CDH4: variants seen among roughly 807,000 people sequenced by gnomAD.
CDH4 encodes cadherin 4.
Under a neutral mutation model 86.0 loss-of-function variants are expected in CDH4, and 33 were observed. That is an observed-to-expected ratio of 0.38 (90% CI 0.29 to 0.51). CDH4 has a LOEUF of 0.51. Ranked by LOEUF, CDH4 falls within the 20% of genes least tolerant of loss-of-function variation. CDH4 has a pLI of 0.86. For missense variants in CDH4, 1,114 were observed against 1,307.4 expected, an observed-to-expected ratio of 0.85 and a Z score of 2.28; for synonymous variants, 555 against 549.4, an observed-to-expected ratio of 1.01 and a Z score of -0.14.
At chr20:61,934,017 C>G in intron 14 of CDH4, 39 bp from the exon 15 acceptor site, 1 of 1,605,466 alleles carries the variant, frequency 6.2e-7, no homozygotes, top group Non-Finnish European at 8.5e-7. Flanking sequence ...CTGGCGGATT[C>G]TTCTGATGCC....
intron 2 of CDH4, among the ~76,000 whole-genome samples, chr20:61,734,317 G>A (rs551348798): frequency 1.2e-4 from 19 of 152,344 alleles, no homozygotes; most frequent in Non-Finnish European, 2.4e-4. Context: ...TGTAATCCTC[G>A]GAGTTCAGAA....
At chr20:61,780,299 C>T (rs1430373860) in intron 4 of CDH4, among the ~76,000 whole-genome samples, 1 of 152,160 alleles carries the variant, frequency 6.6e-6, no homozygotes, top group African/African-American at 2.4e-5. Context: ...CCCAACACTC[C>T]CCTCAGCCCG....
At chr20:61,481,043 G>A (rs1056043278) in intron 2 of CDH4, among the ~76,000 whole-genome samples, 3 of 152,150 alleles carry the variant, frequency 2.0e-5, no homozygotes, top group African/African-American at 7.2e-5. Context: ...AAGTGTACCC[G>A]GTTAAGAACT....
At chr20:61,266,133 C>T (rs1014278085) in intron 2 of CDH4, among the ~76,000 whole-genome samples, 1 of 152,170 alleles carries the variant, frequency 6.6e-6, no homozygotes, top group African/African-American at 2.4e-5. Context: ...GCCGCCCGCA[C>T]CTTGCTAACA....
rs2055147857 is a variant in CDH4 at position 61,934,068 on chromosome 20, A to G, written c.2392A>G (p.Ser798Gly). Residue 798 changes from serine to glycine, a missense_variant, in exon 15 of 16, where the codon AGC becomes GGC. Coordinates refer to ENST00000614565, the MANE Select transcript of CDH4 (RefSeq NM_001794.5). ...GGEEDQDYDL[S>G]QLQQPEAMGH... ...CTCCCTCCCCCAGGACTACGACCTCAGCCAGCTGCAGCAGCCGGAAGCCAT... is the reference window on the plus strand; with the variant it reads ...CTCCCTCCCCCAGGACTACGACCTCGGCCAGCTGCAGCAGCCGGAAGCCAT... 1.9e-6 allele frequency: 3 copies of G among 1,610,844 alleles called. No homozygotes were observed. The highest frequency in any genetic ancestry group is 1.3e-5 in the African/African-American group (1 of 74,862).
rs1400266687 is a variant in CDH4 at position 61,399,692 on chromosome 20, C to CTG, written c.169+144755_169+144756insTG. 2.0e-5 allele frequency among the ~76,000 whole-genome samples: 3 copies of CTG among 152,336 alleles called. No homozygotes were observed. The East Asian group carries it at 5.8e-4, about 29-fold the overall frequency. On this transcript the variant is annotated intron_variant, in intron 2 of 15. Coordinates refer to ENST00000614565, the MANE Select transcript of CDH4 (RefSeq NM_001794.5). ...CACTCACGTCCACCTGCCCATCCAT[C>CTG]ACCCACGAAGCACTTGGCCTCTCCA... is the stretch of plus-strand genomic sequence containing the variant.
chr20:61,383,755 A>G lies in CDH4; in HGVS notation c.169+128818A>G, dbSNP rs1056495198. Among the ~76,000 whole-genome samples, 11 of 71,578 alleles carry G rather than the reference A, an allele frequency of 1.5e-4. 1 individual carries two copies. The highest frequency in any genetic ancestry group is 2.3e-4 in the Non-Finnish European group (9 of 38,514). The allele number at this position is 71,578 out of a possible 152,430, so 47.0% of individuals were successfully genotyped here. A position where few individuals can be genotyped will look rare whatever the true frequency, so the allele number is the denominator to read the frequency against. On this transcript the variant is annotated intron_variant, in intron 2 of 15. Transcript: ENST00000614565. ...ATATGATATATATGAAGATATATGCATATATATGAAGATATATATGCATAT... is the reference window on the plus strand; with the variant it reads ...ATATGATATATATGAAGATATATGCGTATATATGAAGATATATATGCATAT...
chr20:61,457,079 A>G (rs968722219), intron 2 of CDH4, among the ~76,000 whole-genome samples: 1 of 152,226 alleles, frequency 6.6e-6, no homozygotes, highest in Non-Finnish European at 1.5e-5. Context: ...CTGTGTTTAC[A>G]GCATCCACCT....
intron 2 of CDH4, among the ~76,000 whole-genome samples, chr20:61,325,937 G>C (rs760985555): frequency 6.6e-6 from 1 of 152,140 alleles, no homozygotes; most frequent in Non-Finnish European, 1.5e-5. Flanking sequence ...GGTCAGTGCC[G>C]TGCCATTCCC....
chr20:61,741,522 C>T lies in CDH4; in HGVS notation c.170-2041C>T, dbSNP rs548331703. The stretch of plus-strand genomic sequence containing the variant: ...CTTTTTTTTTTTTGAGACCGAGTCT[C>T]GCTCTGTTGCGCAGGCTGGAGTGCC... On this transcript the variant is annotated intron_variant, in intron 2 of 15. Coordinates refer to ENST00000614565, the MANE Select transcript of CDH4 (RefSeq NM_001794.5). 1.7e-4 allele frequency among the ~76,000 whole-genome samples: 25 copies of T among 150,770 alleles called. No homozygotes were observed. The East Asian group carries it at 4.3e-3, about 26-fold the overall frequency.
intron 2 of CDH4, among the ~76,000 whole-genome samples, chr20:61,273,690 G>C (rs1293817698): frequency 2.5e-4 from 37 of 149,446 alleles, no homozygotes; most frequent in Admixed American, 3.3e-4. Context: ...CAGTTTGGGG[G>C]AGTACCATGT....
intron 15 of CDH4, among the ~76,000 whole-genome samples, chr20:61,935,509 G>A (rs1296194107): frequency 6.6e-6 from 1 of 152,182 alleles, no homozygotes; most frequent in African/African-American, 2.4e-5. Context: ...TGTCATCCCA[G>A]CACTTTGGGA....
At chr20:61,830,326 C>G (rs1384268606) in intron 4 of CDH4, among the ~76,000 whole-genome samples, 1 of 152,190 alleles carries the variant, frequency 6.6e-6, no homozygotes, top group African/African-American at 2.4e-5. Flanking sequence ...CATCCACATC[C>G]TCTGCCTCAG....
chr20:61,880,134 T>C (rs1816288167), intron 7 of CDH4, among the ~76,000 whole-genome samples: 1 of 152,202 alleles, frequency 6.6e-6, no homozygotes, highest in Non-Finnish European at 1.5e-5. Context: ...TGTATTCACA[T>C]GATTCAAATT....
At chr20:61,735,150 A>C (rs2088246424) in intron 2 of CDH4, among the ~76,000 whole-genome samples, 1 of 152,040 alleles carries the variant, frequency 6.6e-6, no homozygotes, top group Non-Finnish European at 1.5e-5. Flanking sequence ...TGTGGCCGGC[A>C]CTCGGGACCC....
intron 2 of CDH4, among the ~76,000 whole-genome samples, chr20:61,359,958 A>G (rs28475214): frequency 0.23 from 34,585 of 152,114 alleles, 4,431 homozygotes; most frequent in South Asian, 0.35. Context: ...AAGGAATAGC[A>G]GATCATAACC....
intron 13 of CDH4, among the ~76,000 whole-genome samples, chr20:61,931,436 ATCC>A (rs539897574): frequency 1.1e-3 from 162 of 152,354 alleles, no homozygotes; most frequent in African/African-American, 3.8e-3. Flanking sequence ...CCGCTTCGGA[ATCC>A]TCCTCACGAC....
intron 3 of CDH4, among the ~76,000 whole-genome samples, chr20:61,746,436 C>T (rs559587740): frequency 1.1e-3 from 160 of 152,328 alleles, no homozygotes; most frequent in African/African-American, 3.7e-3. Flanking sequence ...ATCTAACCCT[C>T]TCCACACCCC....
chr20:61,253,518 A>G (rs1412411745), intron 1 of CDH4, among the ~76,000 whole-genome samples: 2 of 151,880 alleles, frequency 1.3e-5, no homozygotes, highest in African/African-American at 2.4e-5. Context: ...GAAATAAACA[A>G]GTGCCAGCGG....
Sources: gnomAD v4.1 joint callset for allele counts (sites outside exome capture counted in the v4.1 genomes callset) on GRCh38, gnomAD v4.1.1 for gene constraint, MANE v1.5 for transcripts, NCBI Gene and HGNC (gene_info 2026-07-23, HGNC 2026-07-21) for gene names.